Variants in CCDC73 observed in about 807,000 individuals in gnomAD.
CCDC73 encodes coiled-coil domain containing 73.
A neutral mutation model predicts 116.5 loss-of-function variants in CCDC73; 95 were observed. The ratio of observed to expected loss-of-function variants is 0.82; its 90% confidence interval spans 0.69 to 0.97. The LOEUF (loss-of-function observed/expected upper bound fraction) is 0.97, where lower values mean the gene tolerates loss of function less well. Ranked by LOEUF, CCDC73 falls within the 50% of genes least tolerant of loss-of-function variation. The pLI is 0.00. For synonymous variants in CCDC73, 398 were observed against 401.3 expected, an observed-to-expected ratio of 0.99 and a Z score of 0.10; for missense variants, 1,066 against 1,206.8, an observed-to-expected ratio of 0.88 and a Z score of 1.73.
intron 14 of CCDC73, among the ~76,000 whole-genome samples, chr11:32,632,938 C>T (rs976388466): frequency 6.6e-6 from 1 of 151,804 alleles, no homozygotes; most frequent in Non-Finnish European, 1.5e-5. Context: ...TAGAAGAAAA[C>T]CAAATTAAAC....
At position 32,602,788 on chromosome 11, in the gene CCDC73, A is replaced by T. The variant is rs748297400; in HGVS notation, c.*23T>A. The stretch of plus-strand genomic sequence containing the variant: ...ACCAGAATTTCAGTTACATAATTTC[A>T]CTACTGAAAGCACTTATCTACATTA... On this transcript the variant is annotated 3_prime_UTR_variant, in exon 18 of 18. Transcript: ENST00000335185. The T allele has an allele frequency of 1.4e-6, 2 of 1,443,844 alleles. No individual in the cohort carries two copies. The highest frequency in any genetic ancestry group is 2.6e-5 in the South Asian group (2 of 77,950). The allele number at this position is 1,443,844 out of a possible 1,614,324, so 89.4% of individuals were successfully genotyped here.
chr11:32,740,582 G>C (rs1053625687), intron 2 of CCDC73, among the ~76,000 whole-genome samples: 9 of 151,524 alleles, frequency 5.9e-5, no homozygotes, highest in African/African-American at 2.2e-4. Context: ...CTTTTCTCTT[G>C]TTTTCTTAGT....
chr11:32,614,972 A>G, intron 15 of CCDC73, 30 bp from the exon 16 acceptor site: 1 of 1,350,442 alleles, frequency 7.4e-7, no homozygotes, highest in African/African-American at 1.5e-5. Flanking sequence ...GTAAAATTTT[A>G]TATTATACAC....
intron 2 of CCDC73, among the ~76,000 whole-genome samples, chr11:32,742,698 G>A (rs1850199040): frequency 6.6e-6 from 1 of 152,134 alleles, no homozygotes; most frequent in Admixed American, 6.5e-5. Flanking sequence ...TGTTGCCATT[G>A]CTTTTCGTGT....
At chr11:32,661,580 G>A (rs1855927293) in intron 9 of CCDC73, among the ~76,000 whole-genome samples, 1 of 151,706 alleles carries the variant, frequency 6.6e-6, no homozygotes, top group African/African-American at 2.4e-5. Context: ...ATAGTTTGCT[G>A]AGAACGATGG....
the CCDC73 span, among the ~76,000 whole-genome samples, chr11:32,811,088 A>AAG: frequency 6.6e-6 from 1 of 151,214 alleles, no homozygotes; most frequent in Admixed American, 6.6e-5. Context: ...AAAAAAAAAA[A>AAG]ACCTCTTCTG....
intron 17 of CCDC73, among the ~76,000 whole-genome samples, chr11:32,609,810 C>T (rs34254797): frequency 0.066 from 10,073 of 152,044 alleles, 388 homozygotes; most frequent in South Asian, 0.12. Flanking sequence ...GATGGAGTCT[C>T]GCTCTGTCAT....
intron 17 of CCDC73, 74 bp downstream of exon 17, chr11:32,611,058 A>G (rs1393623573): frequency 6.9e-7 from 1 of 1,439,270 alleles, no homozygotes; most frequent in Admixed American, 2.0e-5. Context: ...AAGCATCCAG[A>G]TGCGTACAGT....
At chr11:32,629,920 G>GAA (rs1342076001) in intron 14 of CCDC73, among the ~76,000 whole-genome samples, 1 of 67,582 alleles carries the variant, frequency 1.5e-5, no homozygotes, top group African/African-American at 8.6e-5. Context: ...CAGCAGATAT[G>GAA]CAAAAAAAAA....
chr11:32,648,654 C>G (rs1855800396), intron 12 of CCDC73, among the ~76,000 whole-genome samples: 1 of 152,032 alleles, frequency 6.6e-6, no homozygotes, highest in African/African-American at 2.4e-5. Context: ...CAGGTTCAAG[C>G]AATTCCTCTG....
At chr11:32,811,108 T>G in the CCDC73 span, among the ~76,000 whole-genome samples, 2 of 151,854 alleles carry the variant, frequency 1.3e-5, no homozygotes. Flanking sequence ...GAGATTTGAT[T>G]TACTACTTTA....
chr11:32,609,147 T>C (rs1342001091), intron 17 of CCDC73, among the ~76,000 whole-genome samples: 1 of 152,226 alleles, frequency 6.6e-6, no homozygotes, highest in East Asian at 1.9e-4. Context: ...ACAGCCAGCT[T>C]GAATTTCTCC....
intron 3 of CCDC73, among the ~76,000 whole-genome samples, chr11:32,710,584 A>G (rs985549385): frequency 2.0e-5 from 3 of 152,118 alleles, no homozygotes; most frequent in Non-Finnish European, 4.4e-5. Flanking sequence ...AAACTTACTG[A>G]GACTTGTTTT....
At chr11:32,651,456 C>A (rs1236912936) in intron 12 of CCDC73, among the ~76,000 whole-genome samples, 1 of 152,160 alleles carries the variant, frequency 6.6e-6, no homozygotes. Flanking sequence ...AGACCTTTCC[C>A]CCAAATGTGA....
At chr11:32,615,752 G>T (rs1565057182) in intron 15 of CCDC73, 188 bp downstream of exon 15, 1 of 481,912 alleles carries the variant, frequency 2.1e-6, no homozygotes, top group Non-Finnish European at 3.6e-6. Context: ...AATGCCCTAG[G>T]TCTGGTCATC....
chr11:32,812,436 C>T, the CCDC73 span, among the ~76,000 whole-genome samples: 3 of 152,180 alleles, frequency 2.0e-5, no homozygotes, highest in African/African-American at 7.2e-5. Context: ...GAGGCCGAGG[C>T]GGGTGGATCA....
intron 2 of CCDC73, among the ~76,000 whole-genome samples, chr11:32,756,679 G>A (rs1850346880): frequency 6.6e-6 from 1 of 151,598 alleles, no homozygotes; most frequent in South Asian, 2.1e-4. Context: ...TCTTCCGAAC[G>A]ATACAAGGAC....
chr11:32,705,102 T>G (rs1385116798), intron 3 of CCDC73, among the ~76,000 whole-genome samples: 1 of 152,182 alleles, frequency 6.6e-6, no homozygotes, highest in Admixed American at 6.5e-5. Context: ...CCTCTGCCAG[T>G]GCTGGGTGGC....
chr11:32,694,755 T>C (rs1856293249), intron 6 of CCDC73, among the ~76,000 whole-genome samples: 1 of 152,128 alleles, frequency 6.6e-6, no homozygotes, highest in African/African-American at 2.4e-5. Context: ...AAAAATGTAG[T>C]ATTTTTCAAG....
Sources: allele counts gnomAD v4.1 joint callset (sites outside exome capture counted in the v4.1 genomes callset), GRCh38; gene constraint gnomAD v4.1.1; transcripts MANE v1.5; gene names NCBI Gene and HGNC (gene_info 2026-07-23, HGNC 2026-07-21).